MGAT5: variants seen among roughly 807,000 people sequenced by gnomAD.
MGAT5 encodes the protein alpha-1,6-mannosylglycoprotein 6-beta-N-acetylglucosaminyltransferase, also known as alpha-1,6-mannosylglycoprotein 6-beta-N-acetylglucosaminyltransferase A.
MGAT5 carries 30 observed loss-of-function variants against 94.3 expected under a neutral mutation model. The observed-to-expected ratio is 0.32, with a 90% CI of 0.24 to 0.43. The LOEUF (loss-of-function observed/expected upper bound fraction) is 0.43. Ranked by LOEUF, MGAT5 falls within the 20% of genes least tolerant of loss-of-function variation. The pLI is 1.00. For missense variants in MGAT5, 691 were observed against 905.5 expected, an observed-to-expected ratio of 0.76 and a Z score of 3.04; for synonymous variants, 310 against 322.9, an observed-to-expected ratio of 0.96 and a Z score of 0.43.
intron 1 of MGAT5, among the ~76,000 whole-genome samples, chr2:134,176,270 A>G (rs1474371124): frequency 1.3e-5 from 2 of 152,046 alleles, no homozygotes; most frequent in African/African-American, 4.8e-5. Context: ...GAAGGAGGAA[A>G]AATAGTTCTT....
chr2:134,237,405 TTTTTAAATTTCCAG>T (rs1296668181), intron 1 of MGAT5, among the ~76,000 whole-genome samples: 1 of 152,184 alleles, frequency 6.6e-6, no homozygotes, highest in Non-Finnish European at 1.5e-5. Flanking sequence ...GGAAGTTTTC[TTTTTAAATTTCCAG>T]ATATAAACCA....
intron 1 of MGAT5, chr2:134,127,079 C>T (rs868065353): frequency 2.6e-5 from 4 of 154,846 alleles, no homozygotes; most frequent in Middle Eastern, 5.3e-4. Context: ...ATACTTCCTT[C>T]GTCCCCTTTC....
At chr2:134,165,084 T>C (rs1383079924) in intron 1 of MGAT5, among the ~76,000 whole-genome samples, 1 of 152,200 alleles carries the variant, frequency 6.6e-6, no homozygotes, top group East Asian at 1.9e-4. Context: ...TGCTATCCAG[T>C]ATGGTAGCCA....
chr2:134,190,314 T>C (rs1346751800), intron 1 of MGAT5, among the ~76,000 whole-genome samples: 2 of 152,230 alleles, frequency 1.3e-5, no homozygotes, highest in Non-Finnish European at 2.9e-5. Context: ...GATTTTCCCA[T>C]GTTTGATTTT....
intron 1 of MGAT5, among the ~76,000 whole-genome samples, chr2:134,246,812 C>T (rs1682297556): frequency 1.3e-5 from 2 of 152,354 alleles, no homozygotes; most frequent in South Asian, 4.1e-4. Context: ...ATTTTCTGGC[C>T]TCAGGGTCTT....
intron 8 of MGAT5, among the ~76,000 whole-genome samples, chr2:134,345,936 A>G (rs1280429123): frequency 6.6e-6 from 1 of 152,176 alleles, no homozygotes; most frequent in Non-Finnish European, 1.5e-5. Flanking sequence ...TATGGTCTTT[A>G]AAAGTTTCCT....
chr2:134,153,666 C>T (rs1011437007), intron 1 of MGAT5, among the ~76,000 whole-genome samples: 1 of 152,192 alleles, frequency 6.6e-6, no homozygotes, highest in Non-Finnish European at 1.5e-5. Context: ...CCTTTACAGG[C>T]TTGCTGTCTC....
At chr2:134,346,202 T>C (rs754159466) in intron 8 of MGAT5, among the ~76,000 whole-genome samples, 1 of 152,186 alleles carries the variant, frequency 6.6e-6, no homozygotes, top group African/African-American at 2.4e-5. Context: ...AGGCTTCCCT[T>C]GACTCACATA....
At position 134,349,953 on chromosome 2, in the gene MGAT5, T is replaced by C. The variant is rs1308673560; in HGVS notation, c.1246+15T>C. On this transcript the variant is annotated intron_variant, in intron 9 of 15. Coordinates refer to ENST00000281923, the MANE Select transcript of MGAT5 (RefSeq NM_002410.5). ...TACCATGTTCCGTGAGTATTCCTGT[T>C]TCATGTATGCTTTCCAGAATGCCAC... is the stretch of plus-strand genomic sequence containing the variant. 4 of 1,613,042 alleles carry C rather than the reference T, an allele frequency of 2.5e-6. No individual in the cohort carries two copies.
intron 1 of MGAT5, among the ~76,000 whole-genome samples, chr2:134,163,706 A>G (rs1295159591): frequency 6.6e-6 from 1 of 152,146 alleles, no homozygotes; most frequent in East Asian, 1.9e-4. Context: ...AAAATTCTCC[A>G]CTTTGGTTTC....
chr2:134,248,133 T>C (rs1052977624), intron 1 of MGAT5, among the ~76,000 whole-genome samples: 9 of 152,214 alleles, frequency 5.9e-5, no homozygotes, highest in Non-Finnish European at 1.0e-4. Flanking sequence ...TAAAATCTTG[T>C]AAAAGGTAAG....
chr2:134,186,358 A>C (rs1384552100), intron 1 of MGAT5, among the ~76,000 whole-genome samples: 1 of 152,076 alleles, frequency 6.6e-6, no homozygotes, highest in African/African-American at 2.4e-5. Context: ...TAGTCAAGGA[A>C]AAAGGAGCCC....
chr2:134,158,731 C>T (rs1687592562), intron 1 of MGAT5, among the ~76,000 whole-genome samples: 1 of 152,346 alleles, frequency 6.6e-6, no homozygotes, highest in Non-Finnish European at 1.5e-5. Context: ...TCCCCTGCTA[C>T]AGCAGCGGCT....
intron 1 of MGAT5, among the ~76,000 whole-genome samples, chr2:134,231,560 A>G (rs748281504): frequency 3.3e-5 from 5 of 152,208 alleles, no homozygotes; most frequent in Admixed American, 6.5e-5. Flanking sequence ...TCTTCCTTTC[A>G]CTTTGGAACA....
At chr2:134,298,457 A>G (rs1249817635) in intron 2 of MGAT5, among the ~76,000 whole-genome samples, 1 of 152,210 alleles carries the variant, frequency 6.6e-6, no homozygotes. Flanking sequence ...ATGTAGAGTT[A>G]GAACACTATT....
chr2:134,219,741 C>T (rs998254368), intron 1 of MGAT5, among the ~76,000 whole-genome samples: 9 of 152,130 alleles, frequency 5.9e-5, no homozygotes, highest in South Asian at 2.1e-4. Context: ...GAAAAAATTA[C>T]GGAATCACAA....
intron 8 of MGAT5, among the ~76,000 whole-genome samples, chr2:134,348,339 T>TGA (rs1205723622): frequency 6.6e-6 from 1 of 152,194 alleles, no homozygotes; most frequent in Non-Finnish European, 1.5e-5. Context: ...GCATATTCCG[T>TGA]GAGAGCCACA....
intron 4 of MGAT5, among the ~76,000 whole-genome samples, chr2:134,332,328 G>A (rs1472295624): frequency 6.6e-6 from 1 of 151,742 alleles, no homozygotes; most frequent in Non-Finnish European, 1.5e-5. Context: ...AGAAAAACAA[G>A]CAATGGGGAA....
Position 134,386,559 on chromosome 2 carries a change from C to T in MGAT5, c.1381-16429C>T, listed in dbSNP as rs954024375. 3.3e-5 allele frequency among the ~76,000 whole-genome samples: 5 copies of T among 152,238 alleles called. No homozygotes were observed. The East Asian group carries it at 9.6e-4, about 29-fold the overall frequency. ...TAGTAATTGCATCTGCCCTCAGAGG[C>T]ACTCTTGGTCCAAGATGGCTGCTGA... On this transcript the variant is annotated intron_variant, in intron 10 of 15. Transcript: ENST00000281923.
Sources: gnomAD v4.1 joint callset for allele counts (sites outside exome capture counted in the v4.1 genomes callset) on GRCh38, gnomAD v4.1.1 for gene constraint, MANE v1.5 for transcripts, NCBI Gene and HGNC (gene_info 2026-07-23, HGNC 2026-07-21) for gene names.